Variants in IL12RB1 observed in about 807,000 individuals in gnomAD.
IL12RB1 encodes the protein interleukin-12 receptor subunit beta-1.
IL12RB1 carries 64 observed loss-of-function variants against 94.4 expected under a neutral mutation model. The ratio of observed to expected loss-of-function variants is 0.68; its 90% CI spans 0.55 to 0.83. IL12RB1 has a LOEUF of 0.83. Ranked by LOEUF, IL12RB1 falls within the 40% of genes least tolerant of loss-of-function variation. The pLI is 0.00. For missense variants in IL12RB1, 814 were observed against 855.6 expected, an observed-to-expected ratio of 0.95 and a Z score of 0.61; for synonymous variants, 362 against 355.5, an observed-to-expected ratio of 1.02 and a Z score of -0.21.
Position 18,072,258 on chromosome 19 carries a change from G to A in IL12RB1, c.875C>T (p.Pro292Leu), listed in dbSNP as rs149896994. The A allele has an allele frequency of 3.8e-5, 62 of 1,613,962 alleles. No individual in the cohort carries two copies. The highest frequency in any genetic ancestry group is 6.7e-5 in the Admixed American group (4 of 59,998). ...GGTCCTGGTGGCCTTGGCCTTACACGGGCAGGACAGCATGTGGAGCTGTAG... is the reference window on the plus strand; with the variant it reads ...GGTCCTGGTGGCCTTGGCCTTACACAGGCAGGACAGCATGTGGAGCTGTAG... The part of the protein sequence containing the change: ...YRLQLHMLSC[P>L]CKAKATRTLH... The change falls in exon 9 of 17, where the codon CCG becomes CTG. Residue 292 changes from proline to leucine, a missense_variant. Transcript: ENST00000593993.
chr19:18,097,934 C>A, intron 1 of IL12RB1: 1 of 929,220 alleles, frequency 1.1e-6, no homozygotes, highest in Non-Finnish European at 1.4e-6. Context: ...TGTAGGGAAA[C>A]TGAGGCAGAG....
rs771248620 is a variant in IL12RB1, at chr19:18,073,567, C to A, written c.733G>T (p.Val245Leu). 1.1e-4 allele frequency: 181 copies of A among 1,613,062 alleles called. No homozygotes were observed. The highest frequency in any genetic ancestry group is 1.4e-4 in the Non-Finnish European group (165 of 1,179,240). Residue 245 changes from valine (V) to leucine (L), a missense_variant, in exon 8 of 17, where the codon GTG becomes TTG. Transcript: ENST00000593993. ...NPPQPQVRFSVEQLGQDGRRR... is the reference protein window; with the variant it reads ...NPPQPQVRFSLEQLGQDGRRR... ...CTCCCATCCTGGCCCAGCTGCTCCA[C>A]CGAGAATCTCACCTGAGGCTGTGGG... is the stretch of plus-strand genomic sequence containing the variant.
At position 18,073,568 on chromosome 19, in the gene IL12RB1, C is replaced by A. The variant is rs145487261; in HGVS notation, c.732G>T (p.Ser244=). The A allele has an allele frequency of 1.1e-4, 179 of 1,612,862 alleles. No individual in the cohort carries two copies. Among genetic ancestry groups the A allele is most frequent in the Non-Finnish European group, 1.5e-4 (173 of 1,179,064 alleles). ...TCCCATCCTGGCCCAGCTGCTCCAC[C>A]GAGAATCTCACCTGAGGCTGTGGGG... ...ENPPQPQVRF[S]VEQLGQDGRR... The change falls in exon 8 of 17, where the codon TCG becomes TCT. Residue 244 remains serine (S), a synonymous_variant. Transcript: ENST00000593993.
intron 12 of IL12RB1, among the ~76,000 whole-genome samples, chr19:18,064,264 C>T (rs2034403814): frequency 6.7e-6 from 1 of 150,158 alleles, no homozygotes; most frequent in Admixed American, 6.7e-5. Flanking sequence ...CTCAGCCTCC[C>T]GAGTAGCTGA....
chr19:18,071,871 G>A (rs1171381141), intron 9 of IL12RB1, among the ~76,000 whole-genome samples: 2 of 152,084 alleles, frequency 1.3e-5, no homozygotes, highest in African/African-American at 2.4e-5. Context: ...CACCACGTTG[G>A]CCAGACTGGT....
At chr19:18,083,131 G>C (rs962419900) in intron 2 of IL12RB1, 4 of 549,454 alleles carry the variant, frequency 7.3e-6, no homozygotes, top group Admixed American at 6.2e-5. Flanking sequence ...CAGGTTGGGG[G>C]GGGGGCTTCA....
intron 5 of IL12RB1, among the ~76,000 whole-genome samples, chr19:18,077,111 C>T (rs943504791): frequency 3.9e-5 from 6 of 152,144 alleles, no homozygotes; most frequent in Admixed American, 3.9e-4. Context: ...GCCTGTATTC[C>T]CAGCACTTTG....
intron 9 of IL12RB1, chr19:18,071,356 T>C (rs773616803): frequency 2.4e-5 from 24 of 1,001,372 alleles, no homozygotes; most frequent in Non-Finnish European, 3.2e-5. Flanking sequence ...AAAAAAGAAA[T>C]TAGATCTTAA....
rs1395069300 is a variant in IL12RB1 at position 18,069,632 on chromosome 19, C to T, written c.1103G>A (p.Cys368Tyr). 6.2e-7 allele frequency: 1 copy of T among 1,613,498 alleles called. No individual in the cohort carries two copies. The highest frequency in any genetic ancestry group is 1.7e-5 in the Admixed American group (1 of 60,016). The change falls in exon 10 of 17, where the codon TGC becomes TAC. Residue 368 changes from cysteine to tyrosine, a missense_variant. By Grantham distance (194) the Cys-to-Tyr change is radical (BLOSUM62 -2). Transcript: ENST00000593993. Reference sequence around the variant, plus strand: ...CTGGCCCACAGGCTGCCATTCAATGCAATACGTCATGCTCTGAGCCCGGGC... The same window carrying T: ...CTGGCCCACAGGCTGCCATTCAATGTAATACGTCATGCTCTGAGCCCGGGC... The part of the protein sequence containing the change: ...WPARAQSMTY[C>Y]IEWQPVGQDG...
chr19:18,061,128 C>A lies in IL12RB1; in HGVS notation c.1785G>T (p.Gly595=). 1 of 1,574,066 alleles carries A rather than the reference C, an allele frequency of 6.4e-7. No homozygotes were observed. The highest frequency in any genetic ancestry group is 8.7e-7 in the Non-Finnish European group (1 of 1,147,644). Residue 595 remains glycine, a synonymous_variant, in exon 15 of 17, where the codon GGG becomes GGT. Coordinates refer to ENST00000593993, the MANE Select transcript of IL12RB1 (RefSeq NM_005535.3). Reference sequence around the variant, plus strand: ...TTAGAAAAGGCATCCTTACCTCCTTCCCTCCAGGGAACTCAATGGCGGAGC... The same window carrying A: ...TTAGAAAAGGCATCCTTACCTCCTTACCTCCAGGGAACTCAATGGCGGAGC... ...CASSAIEFPG[G]KETWQWINPV... is the part of the protein sequence containing the mutation.
chr19:18,073,730 G>GA, intron 7 of IL12RB1, 131 bp from the exon 8 acceptor site: 1 of 709,944 alleles, frequency 1.4e-6, no homozygotes, highest in South Asian at 1.5e-5. Context: ...GCAGAAAAGA[G>GA]AAAAAACTGA....
chr19:18,073,084 A>G (rs186798827), intron 8 of IL12RB1, among the ~76,000 whole-genome samples: 1 of 152,256 alleles, frequency 6.6e-6, no homozygotes, highest in Admixed American at 6.5e-5. Context: ...AAAGTCAACG[A>G]GTGGAGTATT....
intron 15 of IL12RB1, among the ~76,000 whole-genome samples, chr19:18,060,463 A>G (rs895173712): frequency 2.0e-5 from 3 of 152,106 alleles, no homozygotes; most frequent in African/African-American, 7.2e-5. Context: ...TGGGTGACAG[A>G]GCGAGACTCC....
intron 13 of IL12RB1, 52 bp downstream of exon 13, chr19:18,063,824 C>A: frequency 6.5e-7 from 1 of 1,543,834 alleles, no homozygotes; most frequent in Non-Finnish European, 8.9e-7. Context: ...TTGTGGGAAG[C>A]GCAGTGCAGT....
Position 18,060,008 on chromosome 19 carries a change from C to T in IL12RB1, c.1869G>A (p.Trp623Ter). Reference protein sequence around the residue: ...LQEALVVEMSWDKGERTEPLE... With the variant: ...LQEALVVEMS Reference sequence around the variant, plus strand: ...GAGGCTCAGTCCTCTCGCCTTTGTCCCAGGACATCTCTACCACCAGGGCCT... The same window carrying T: ...GAGGCTCAGTCCTCTCGCCTTTGTCTCAGGACATCTCTACCACCAGGGCCT... The change falls in exon 16 of 17, where the codon TGG becomes TGA. Residue 623 changes from tryptophan to a stop codon, truncating the protein, a stop_gained. Coordinates refer to ENST00000593993, the MANE Select transcript of IL12RB1 (RefSeq NM_005535.3). LOFTEE classifies it high-confidence loss of function. 6.2e-7 allele frequency: 1 copy of T among 1,603,204 alleles called. No homozygotes were observed. The highest frequency in any genetic ancestry group is 1.3e-5 in the African/African-American group (1 of 74,810).
In IL12RB1 at chr19:18,070,677, G is replaced by T. The variant is rs572669640; in HGVS notation, c.1022-964C>A. ...GACCAGGCTGGGTACGGTGGCTCAC[G>T]CCTGTAATCCTAGCACTTTGGGAGG... is the stretch of plus-strand genomic sequence containing the variant. On this transcript the variant is annotated intron_variant, in intron 9 of 16. Transcript: ENST00000593993. 2.7e-5 allele frequency: 7 copies of T among 259,598 alleles called. No individual in the cohort carries two copies. The South Asian group carries it at 4.4e-4, about 16-fold the overall frequency. The allele number at this position is 259,598 out of a possible 1,614,324, so 16.1% of individuals were successfully genotyped here.
chr19:18,066,535 C>G lies in IL12RB1; in HGVS notation c.1483+7G>C. The G allele has an allele frequency of 6.2e-7, 1 of 1,608,526 alleles. No individual in the cohort carries two copies. On this transcript the variant is annotated splice_region_variant and intron_variant, in intron 12 of 16. Transcript: ENST00000593993. ...TCCCCAAGCCAGGTCTGCACTGCCT[C>G]ACGTACCTGACACCTGTTTGCTGTC...
Position 18,062,289 on chromosome 19 carries a change from G to A in IL12RB1, c.1619-12C>T. ...AGAAACCTGCACTTCTGAGGTGGGAGAGCGTGGGTTGGCAGAGGGCTACCT... is the reference window on the plus strand; with the variant it reads ...AGAAACCTGCACTTCTGAGGTGGGAAAGCGTGGGTTGGCAGAGGGCTACCT... On this transcript the variant is annotated splice_polypyrimidine_tract_variant and intron_variant, in intron 13 of 16. Coordinates refer to ENST00000593993, the MANE Select transcript of IL12RB1 (RefSeq NM_005535.3). 6.3e-7 allele frequency: 1 copy of A among 1,583,182 alleles called. No individual in the cohort carries two copies. Among genetic ancestry groups the A allele is most frequent in the Non-Finnish European group, 8.7e-7 (1 of 1,154,032 alleles).
At chr19:18,070,639 C>T (rs2034959618) in intron 9 of IL12RB1, 13 of 547,820 alleles carry the variant, frequency 2.4e-5, no homozygotes, top group Non-Finnish European at 3.0e-5. Context: ...GGCACCATTT[C>T]ACTATGATAT....
Sources: gnomAD v4.1 joint callset for allele counts (sites outside exome capture counted in the v4.1 genomes callset) on GRCh38, gnomAD v4.1.1 for gene constraint, MANE v1.5 for transcripts, NCBI Gene and HGNC (gene_info 2026-07-23, HGNC 2026-07-21) for gene names.